The following COL14A1 variants were observed in gnomAD, a reference collection of about 807,000 sequenced individuals.
COL14A1 encodes the protein collagen type XIV alpha 1 chain, also known as collagen alpha-1(XIV) chain.
COL14A1 carries 136 observed loss-of-function variants against 230.3 expected under a neutral mutation model. The observed-to-expected ratio is 0.59, with a 90% CI of 0.51 to 0.68. COL14A1 has a LOEUF of 0.68. COL14A1 is among the 30% of genes least tolerant of loss of function. The pLI is 0.00. For synonymous variants in COL14A1, 792 were observed against 784.1 expected (o/e 1.01, Z -0.17); for missense variants, 1,976 against 2,215.8 (o/e 0.89, Z 2.17).
intron 45 of COL14A1, among the ~76,000 whole-genome samples, chr8:120,348,057 T>C (rs1199469230): frequency 6.6e-6 from 1 of 151,946 alleles, no homozygotes; most frequent in Non-Finnish European, 1.5e-5. Context: ...GAAGTCATTA[T>C]ACAAAAAAGA....
At chr8:120,349,467 C>A (rs1822664788) in intron 45 of COL14A1, among the ~76,000 whole-genome samples, 1 of 135,990 alleles carries the variant, frequency 7.4e-6, no homozygotes, top group African/African-American at 3.0e-5. Context: ...AAACCAAAGG[C>A]AAAGAAGTTG....
In COL14A1 at chr8:120,369,379, T is replaced by C; in HGVS notation, c.5205T>C (p.Pro1735=). 6.2e-7 allele frequency: 1 copy of C among 1,608,308 alleles called. No homozygotes were observed. Among genetic ancestry groups the C allele is most frequent in the Non-Finnish European group, 8.5e-7 (1 of 1,177,426 alleles). Residue 1735 remains proline, a synonymous_variant, in exon 47 of 48, where the codon CCT becomes CCC. Transcript: ENST00000297848. The part of the protein sequence containing the change: ...RPGSPGPPGS[P]GPRGPPGHLG... ...GCAGCCCTGGGCCCCCTGGCTCTCC[T>C]GGACCAAGAGGCCCACCAGGTCATC... is the stretch of plus-strand genomic sequence containing the variant.
intron 5 of COL14A1, among the ~76,000 whole-genome samples, chr8:120,189,364 A>G (rs1396976613): frequency 6.6e-6 from 1 of 152,178 alleles, no homozygotes; most frequent in East Asian, 1.9e-4. Flanking sequence ...AGTACGTACT[A>G]GTCTTCAAGA....
At chr8:120,251,863 TAA>T (rs1442571689) in intron 22 of COL14A1, among the ~76,000 whole-genome samples, 1 of 152,180 alleles carries the variant, frequency 6.6e-6, no homozygotes, top group Non-Finnish European at 1.5e-5. Flanking sequence ...CTTTTTGGCT[TAA>T]GAATTTTATA....
At chr8:120,157,240 T>A (rs1406518290) in intron 2 of COL14A1, among the ~76,000 whole-genome samples, 3 of 152,204 alleles carry the variant, frequency 2.0e-5, no homozygotes, top group Non-Finnish European at 4.4e-5. Flanking sequence ...ATAAATCAGC[T>A]ATCCTTGAAA....
At chr8:120,306,669 T>A (rs574538507) in intron 36 of COL14A1, among the ~76,000 whole-genome samples, 2 of 152,276 alleles carry the variant, frequency 1.3e-5, no homozygotes, top group East Asian at 3.9e-4. Flanking sequence ...TCAACAAGTA[T>A]TTGCTGAATT....
chr8:120,228,332 C>A lies in COL14A1; in HGVS notation c.2138-378C>A, dbSNP rs115909231. Among the ~76,000 whole-genome samples the A allele has an allele frequency of 9.3e-3, 1,420 of 152,258 alleles. 14 individuals carry two copies. The highest frequency in any genetic ancestry group is 0.033 in the African/African-American group (1,353 of 41,550). Reference sequence around the variant, plus strand: ...TTGCTTGTCCAAGCACATTGCATTCCGTGGTGGTCCTGTTTGGCAGCCTTT... The same window carrying A: ...TTGCTTGTCCAAGCACATTGCATTCAGTGGTGGTCCTGTTTGGCAGCCTTT... On this transcript the variant is annotated intron_variant, in intron 17 of 47. Transcript: ENST00000297848.
chr8:120,255,532 A>C (rs948634273), intron 23 of COL14A1, among the ~76,000 whole-genome samples, 176 bp downstream of exon 23: 6 of 152,184 alleles, frequency 3.9e-5, no homozygotes, highest in Admixed American at 6.5e-5. Flanking sequence ...GTGAATTACT[A>C]ACCCTCTGGA....
At chr8:120,370,795 C>G in intron 47 of COL14A1, 2 of 1,376,016 alleles carry the variant, frequency 1.5e-6, no homozygotes, top group South Asian at 2.5e-5. Context: ...CTGATCACCT[C>G]CCCTCCCTGC....
At chr8:120,150,943 AATAGAG>A (rs2130483285) in intron 2 of COL14A1, among the ~76,000 whole-genome samples, 1 of 152,252 alleles carries the variant, frequency 6.6e-6, no homozygotes, top group African/African-American at 2.4e-5. Flanking sequence ...GCCAAACATC[AATAGAG>A]TTCAATAAGA....
intron 45 of COL14A1, among the ~76,000 whole-genome samples, chr8:120,365,301 C>G (rs1051583341): frequency 2.0e-5 from 3 of 152,140 alleles, no homozygotes; most frequent in Admixed American, 2.0e-4. Flanking sequence ...AAAGATGATC[C>G]TGCACCGTGA....
intron 45 of COL14A1, 65 bp from the exon 46 acceptor site, chr8:120,367,106 A>T (rs2130389592): frequency 7.3e-7 from 1 of 1,367,996 alleles, no homozygotes; most frequent in South Asian, 1.4e-5. Context: ...ACTCCAGAAA[A>T]ATGGAACTAC....
At chr8:120,297,211 G>A (rs1820555577) in intron 34 of COL14A1, among the ~76,000 whole-genome samples, 1 of 151,834 alleles carries the variant, frequency 6.6e-6, no homozygotes, top group Non-Finnish European at 1.5e-5. Flanking sequence ...AGCTGTGATG[G>A]GCTTTGTAAG....
Position 120,283,787 on chromosome 8 carries a change from A to G in COL14A1, c.3967+9A>G. On this transcript the variant is annotated intron_variant, in intron 32 of 47. Transcript: ENST00000297848. ...TGGGGTTATTTTAGACAGTAAGTAT[A>G]TTTATTGAGATCACATTCACATATA... 1.2e-6 allele frequency: 2 copies of G among 1,603,164 alleles called. No homozygotes were observed. Among genetic ancestry groups the G allele is most frequent in the Non-Finnish European group, 1.7e-6 (2 of 1,176,098 alleles).
At chr8:120,145,464 C>CA (rs1342049223) in intron 1 of COL14A1, among the ~76,000 whole-genome samples, 1 of 152,100 alleles carries the variant, frequency 6.6e-6, no homozygotes, top group Non-Finnish European at 1.5e-5. Context: ...ACTAAAAATA[C>CA]AAAAATTAGC....
At chr8:120,177,348 A>G (rs377595520) in intron 5 of COL14A1, among the ~76,000 whole-genome samples, 3 of 152,162 alleles carry the variant, frequency 2.0e-5, no homozygotes, top group Non-Finnish European at 2.9e-5. Context: ...GAATCATTAC[A>G]TAAAGACTAT....
At chr8:120,336,642 G>A (rs1242425403) in intron 42 of COL14A1, among the ~76,000 whole-genome samples, 2 of 152,132 alleles carry the variant, frequency 1.3e-5, no homozygotes, top group East Asian at 3.9e-4. Flanking sequence ...CCTGGAGGAA[G>A]GAGCCCAGTT....
intron 25 of COL14A1, 81 bp from the exon 26 acceptor site, chr8:120,269,954 C>T: frequency 2.1e-6 from 3 of 1,441,638 alleles, no homozygotes; most frequent in Non-Finnish European, 2.9e-6. Flanking sequence ...TAGCAGAGGG[C>T]AACCATTATT....
intron 25 of COL14A1, among the ~76,000 whole-genome samples, chr8:120,268,421 T>G (rs1365470988): frequency 1.3e-5 from 2 of 151,630 alleles, no homozygotes; most frequent in African/African-American, 4.8e-5. Context: ...GATCAGAGTA[T>G]TTTTATTTAT....
Sources: allele counts gnomAD v4.1 joint callset (sites outside exome capture counted in the v4.1 genomes callset), GRCh38; gene constraint gnomAD v4.1.1; transcripts MANE v1.5; gene names NCBI Gene and HGNC (gene_info 2026-07-23, HGNC 2026-07-21).